PTPRD: variants seen among roughly 807,000 people sequenced by gnomAD.
PTPRD encodes the protein protein tyrosine phosphatase receptor type D, also known as receptor-type tyrosine-protein phosphatase delta.
Under a neutral mutation model 214.5 loss-of-function variants are expected in PTPRD, and 34 were observed. The ratio of observed to expected loss-of-function variants is 0.16; its 90% confidence interval spans 0.12 to 0.21. PTPRD has a LOEUF of 0.21. Ranked by LOEUF, PTPRD falls within the 10% of genes least tolerant of loss-of-function variation. PTPRD has a pLI of 1.00. For missense variants in PTPRD, 2,545 were observed against 2,398.7 expected (o/e 1.06, Z -1.27); for synonymous variants, 1,128 against 845.7 (o/e 1.33, Z -5.79).
rs564503044 is a variant in PTPRD at position 9,427,614 on chromosome 9, A to G, written c.-236-30132T>C. 5.3e-5 allele frequency among the ~76,000 whole-genome samples: 8 copies of G among 152,326 alleles called. No individual in the cohort carries two copies. The South Asian group carries it at 1.4e-3, about 28-fold the overall frequency. On this transcript the variant is annotated intron_variant, in intron 8 of 45. Coordinates refer to ENST00000381196, the MANE Select transcript of PTPRD (RefSeq NM_002839.4). Reference sequence around the variant, plus strand: ...CAACTCCAAGACACATAATTGTCAGATTTACCAAAGTTGAAAAGAAGGAGA... The same window carrying G: ...CAACTCCAAGACACATAATTGTCAGGTTTACCAAAGTTGAAAAGAAGGAGA...
chr9:10,494,691 C>A (rs2041496176), intron 2 of PTPRD, among the ~76,000 whole-genome samples: 1 of 148,518 alleles, frequency 6.7e-6, no homozygotes, highest in Non-Finnish European at 1.5e-5. Flanking sequence ...AAAAAATTTT[C>A]TATTACGGTA....
At chr9:8,900,249 G>A (rs1412984540) in intron 11 of PTPRD, among the ~76,000 whole-genome samples, 1 of 152,152 alleles carries the variant, frequency 6.6e-6, no homozygotes, top group East Asian at 1.9e-4. Context: ...CCCTTTTAAT[G>A]TATCAAAATG....
chr9:8,948,146 A>G (rs2099077554), intron 11 of PTPRD, among the ~76,000 whole-genome samples: 1 of 149,956 alleles, frequency 6.7e-6, no homozygotes, highest in Non-Finnish European at 1.5e-5. Context: ...CAGTTTCCCG[A>G]GTAGCTGGGA....
chr9:8,741,181 G>A (rs1202099657), intron 11 of PTPRD, among the ~76,000 whole-genome samples: 1 of 151,648 alleles, frequency 6.6e-6, no homozygotes, highest in Admixed American at 6.6e-5. Context: ...AAAAAAATGA[G>A]GTATGCCGTG....
intron 11 of PTPRD, among the ~76,000 whole-genome samples, chr9:8,832,252 T>G (rs1479836663): frequency 6.6e-6 from 1 of 152,008 alleles, no homozygotes; most frequent in African/African-American, 2.4e-5. Context: ...CCAAAGCTCC[T>G]GGTCTCAACC....
At chr9:8,331,469 A>T in intron 44 of PTPRD, 113 bp downstream of exon 44, 1 of 1,212,714 alleles carries the variant, frequency 8.2e-7, no homozygotes, top group Non-Finnish European at 1.1e-6. Flanking sequence ...TAAGTTTTGT[A>T]ATACATTGCC....
chr9:8,561,186 C>T (rs2086144891), intron 14 of PTPRD, among the ~76,000 whole-genome samples: 1 of 152,188 alleles, frequency 6.6e-6, no homozygotes, highest in Admixed American at 6.5e-5. Flanking sequence ...GTTTTCTACA[C>T]TGTCCTGCCC....
chr9:8,556,917 G>C (rs1041160601), intron 14 of PTPRD, among the ~76,000 whole-genome samples: 6 of 152,136 alleles, frequency 3.9e-5, no homozygotes, highest in Admixed American at 1.3e-4. Context: ...AAGGTCCCGA[G>C]TTGACCTTTA....
At chr9:10,260,632 A>T (rs2093630052) in intron 3 of PTPRD, among the ~76,000 whole-genome samples, 1 of 152,162 alleles carries the variant, frequency 6.6e-6, no homozygotes, top group South Asian at 2.1e-4. Context: ...GTCATGCAGT[A>T]GTGTGGTAGT....
At chr9:9,238,766 C>G (rs2099968697) in intron 9 of PTPRD, among the ~76,000 whole-genome samples, 1 of 152,116 alleles carries the variant, frequency 6.6e-6, no homozygotes, top group South Asian at 2.1e-4. Context: ...TACTCTTATG[C>G]TTTTATCTTC....
intron 11 of PTPRD, among the ~76,000 whole-genome samples, chr9:8,838,712 C>A (rs764916413): frequency 9.2e-5 from 14 of 151,444 alleles, no homozygotes; most frequent in Non-Finnish European, 1.9e-4. Flanking sequence ...AGGTAGTTTG[C>A]AGGATAAAAA....
chr9:9,222,212 G>A (rs1267335545), intron 9 of PTPRD, among the ~76,000 whole-genome samples: 1 of 151,996 alleles, frequency 6.6e-6, no homozygotes, highest in Admixed American at 6.6e-5. Context: ...ACTATAGCCT[G>A]TGATAGACCA....
intron 11 of PTPRD, among the ~76,000 whole-genome samples, chr9:9,017,416 A>C (rs2099540581): frequency 6.6e-6 from 1 of 152,148 alleles, no homozygotes; most frequent in African/African-American, 2.4e-5. Context: ...TTACAGGATA[A>C]CTACAGGGTA....
chr9:10,592,951 C>G (rs757069108), intron 2 of PTPRD, among the ~76,000 whole-genome samples: 54 of 151,864 alleles, frequency 3.6e-4, no homozygotes, highest in Non-Finnish European at 1.6e-4. Flanking sequence ...TTTGTTCTTT[C>G]ATGTTCTTTC....
At chr9:9,805,633 G>A (rs1320846314) in intron 5 of PTPRD, among the ~76,000 whole-genome samples, 1 of 152,072 alleles carries the variant, frequency 6.6e-6, no homozygotes, top group Non-Finnish European at 1.5e-5. Flanking sequence ...ACACTTTTAT[G>A]CCTTTATTAT....
At chr9:9,425,330 T>C (rs1277808147) in intron 8 of PTPRD, among the ~76,000 whole-genome samples, 3 of 150,374 alleles carry the variant, frequency 2.0e-5, no homozygotes, top group African/African-American at 4.9e-5. Context: ...GATGATGGTG[T>C]GTAGTGCAGC....
At chr9:10,002,330 A>AT (rs2096342693) in intron 4 of PTPRD, among the ~76,000 whole-genome samples, 6 of 69,418 alleles carry the variant, frequency 8.6e-5, no homozygotes, top group South Asian at 1.1e-3. Context: ...CTTTAAATAT[A>AT]AATATATATA....
intron 9 of PTPRD, among the ~76,000 whole-genome samples, chr9:9,298,632 A>G (rs1330087356): frequency 2.0e-5 from 3 of 151,808 alleles, no homozygotes; most frequent in Non-Finnish European, 4.4e-5. Flanking sequence ...TAGAGGAGCA[A>G]TAAAGAAGCT....
At chr9:9,336,591 G>A (rs1048381807) in intron 9 of PTPRD, among the ~76,000 whole-genome samples, 5 of 151,984 alleles carry the variant, frequency 3.3e-5, no homozygotes, top group Non-Finnish European at 7.4e-5. Context: ...TGGGTTGGCA[G>A]GTAATATGTG....
Sources: allele counts gnomAD v4.1 joint callset (sites outside exome capture counted in the v4.1 genomes callset), GRCh38; gene constraint gnomAD v4.1.1; transcripts MANE v1.5; gene names NCBI Gene and HGNC (gene_info 2026-07-23, HGNC 2026-07-21).